The following IGFBP7 variants were observed in gnomAD, a reference collection of about 807,000 sequenced individuals.
IGFBP7 encodes the protein insulin-like growth factor-binding protein 7.
Under a neutral mutation model 29.4 loss-of-function variants are expected in IGFBP7, and 31 were observed. The ratio of observed to expected loss-of-function variants is 1.05; its 90% confidence interval spans 0.79 to 1.42. The LOEUF (loss-of-function observed/expected upper bound fraction) is 1.42. Ranked by LOEUF, IGFBP7 falls within the 40% of genes most tolerant of loss-of-function variation. IGFBP7 has a pLI of 0.00. For missense variants in IGFBP7, 393 were observed against 395.5 expected (o/e 0.99, Z 0.05); for synonymous variants, 172 against 174.9 (o/e 0.98, Z 0.13).
intron 1 of IGFBP7, among the ~76,000 whole-genome samples, chr4:57,051,682 G>A (rs1724505492): frequency 6.6e-6 from 1 of 152,150 alleles, no homozygotes; most frequent in Non-Finnish European, 1.5e-5. Context: ...CTTGGAATCA[G>A]GAATTCTGCT....
chr4:57,099,481 G>A (rs1368599780), intron 1 of IGFBP7, among the ~76,000 whole-genome samples: 1 of 152,176 alleles, frequency 6.6e-6, no homozygotes, highest in Non-Finnish European at 1.5e-5. Flanking sequence ...GCTGGAGTCA[G>A]GGGTTAAGGT....
At chr4:57,039,957 G>A (rs1040399219) in intron 2 of IGFBP7, among the ~76,000 whole-genome samples, 3 of 151,742 alleles carry the variant, frequency 2.0e-5, no homozygotes, top group African/African-American at 7.3e-5. Context: ...TTTCCATTTG[G>A]GAAGTCATTT....
intron 3 of IGFBP7, 29 bp downstream of exon 3, chr4:57,033,164 ACT>A (rs765936546): frequency 1.6e-5 from 23 of 1,449,554 alleles, no homozygotes; most frequent in Admixed American, 3.3e-5. Context: ...TAAGAATGAA[ACT>A]CTTGCCAGCT....
intron 1 of IGFBP7, among the ~76,000 whole-genome samples, chr4:57,047,689 G>C (rs1724395206): frequency 6.6e-6 from 1 of 152,112 alleles, no homozygotes; most frequent in African/African-American, 2.4e-5. Context: ...AAAGTACTTA[G>C]AAGTCTCCTG....
chr4:57,099,720 G>T (rs1725846810), intron 1 of IGFBP7, among the ~76,000 whole-genome samples: 2 of 152,152 alleles, frequency 1.3e-5, no homozygotes, highest in South Asian at 2.1e-4. Flanking sequence ...GCAACTGAAA[G>T]GTTGGGCTCT....
intron 1 of IGFBP7, among the ~76,000 whole-genome samples, chr4:57,042,120 C>T (rs979956483): frequency 1.3e-5 from 2 of 152,102 alleles, no homozygotes; most frequent in Non-Finnish European, 2.9e-5. Context: ...CTTCTCCATT[C>T]CCCCAATTAG....
At chr4:57,033,122 G>A (rs1050041683) in intron 3 of IGFBP7, 73 bp downstream of exon 3, 2 of 1,028,414 alleles carry the variant, frequency 1.9e-6, no homozygotes, top group African/African-American at 1.6e-5. Context: ...GGTACATCAG[G>A]CACCTTTGCC....
At chr4:57,050,888 A>C (rs1181295471) in intron 1 of IGFBP7, among the ~76,000 whole-genome samples, 1 of 152,154 alleles carries the variant, frequency 6.6e-6, no homozygotes, top group Admixed American at 6.5e-5. Flanking sequence ...CATGGCTAAG[A>C]CATTTGAGTA....
chr4:57,106,985 T>A (rs1726050697), intron 1 of IGFBP7, among the ~76,000 whole-genome samples: 1 of 152,172 alleles, frequency 6.6e-6, no homozygotes, highest in Non-Finnish European at 1.5e-5. Context: ...TTCAGACATA[T>A]TTTCAAGCAG....
Position 57,104,592 on chromosome 4 carries a change from A to G in IGFBP7, c.475+5285T>C, listed in dbSNP as rs1199300614. Among the ~76,000 whole-genome samples, 3 of 152,234 alleles carry G rather than the reference A, an allele frequency of 2.0e-5. No individual in the cohort carries two copies. The South Asian group carries it at 6.2e-4, about 31-fold the overall frequency. Reference sequence around the variant, plus strand: ...ATCAACATAAAAAATGAGTCTAATGAATCTAAAATGAGCTTCTCAAAGAAT... The same window carrying G: ...ATCAACATAAAAAATGAGTCTAATGGATCTAAAATGAGCTTCTCAAAGAAT... On this transcript the variant is annotated intron_variant, in intron 1 of 4. Coordinates refer to ENST00000295666, the MANE Select transcript of IGFBP7 (RefSeq NM_001553.3).
At chr4:57,060,638 T>C (rs1724777170) in intron 1 of IGFBP7, among the ~76,000 whole-genome samples, 1 of 152,196 alleles carries the variant, frequency 6.6e-6, no homozygotes, top group Admixed American at 6.5e-5. Context: ...AAAGGGTTTA[T>C]GGAGATCCAG....
At chr4:57,076,245 C>T (rs1725222677) in intron 1 of IGFBP7, among the ~76,000 whole-genome samples, 1 of 152,218 alleles carries the variant, frequency 6.6e-6, no homozygotes. Flanking sequence ...TGAATACCAT[C>T]ACACTGGGGG....
chr4:57,039,772 GC>G (rs1399523351), intron 2 of IGFBP7, among the ~76,000 whole-genome samples: 2 of 149,980 alleles, frequency 1.3e-5, no homozygotes, highest in Non-Finnish European at 3.0e-5. Context: ...CCACAGGCAT[GC>G]CTCACCATGC....
At chr4:57,057,252 C>T (rs1010282634) in intron 1 of IGFBP7, among the ~76,000 whole-genome samples, 9 of 152,196 alleles carry the variant, frequency 5.9e-5, no homozygotes, top group Non-Finnish European at 1.0e-4. Context: ...TCAAGTGATC[C>T]CCCTGCCTTG....
chr4:57,097,739 G>A lies in IGFBP7; in HGVS notation c.475+12138C>T, dbSNP rs566367013. ...AAAAAATCATGAATGAAGGAGGTTA[G>A]GGTCACACAAATAGTTAAGTGGCAG... On this transcript the variant is annotated intron_variant, in intron 1 of 4. Coordinates refer to ENST00000295666, the MANE Select transcript of IGFBP7 (RefSeq NM_001553.3). Among the ~76,000 whole-genome samples the A allele has an allele frequency of 2.0e-5, 3 of 152,166 alleles. No homozygotes were observed. The East Asian group carries it at 5.8e-4, about 29-fold the overall frequency.
chr4:57,108,743 T>C (rs1049793442), intron 1 of IGFBP7, among the ~76,000 whole-genome samples: 4 of 152,018 alleles, frequency 2.6e-5, no homozygotes, highest in African/African-American at 9.7e-5. Context: ...GAGATGGGGT[T>C]TCACCGTGTT....
intron 1 of IGFBP7, among the ~76,000 whole-genome samples, chr4:57,058,509 A>G (rs768735339): frequency 5.9e-5 from 9 of 152,216 alleles, no homozygotes; most frequent in Non-Finnish European, 1.0e-4. Context: ...AAGACTCCCT[A>G]TTCAATAAAT....
intron 1 of IGFBP7, among the ~76,000 whole-genome samples, chr4:57,065,892 TC>T (rs1724910053): frequency 6.6e-6 from 1 of 152,166 alleles, no homozygotes; most frequent in Non-Finnish European, 1.5e-5. Context: ...CTCTCTCTGC[TC>T]CACGGTCCTC....
At chr4:57,045,368 A>C (rs1463606473) in intron 1 of IGFBP7, among the ~76,000 whole-genome samples, 2 of 152,254 alleles carry the variant, frequency 1.3e-5, no homozygotes, top group Non-Finnish European at 2.9e-5. Context: ...CCTTGAACAA[A>C]TGCTGGGTTT....
Sources: allele counts gnomAD v4.1 joint callset (sites outside exome capture counted in the v4.1 genomes callset), GRCh38; gene constraint gnomAD v4.1.1; transcripts MANE v1.5; gene names NCBI Gene and HGNC (gene_info 2026-07-23, HGNC 2026-07-21).